Variants in IZUMO3 observed in about 807,000 individuals in gnomAD.
IZUMO3 encodes IZUMO family member 3, also known as izumo sperm-egg fusion protein 3.
Under a neutral mutation model 28.4 loss-of-function variants are expected in IZUMO3, and 36 were observed. The observed-to-expected ratio is 1.27, with a 90% CI of 0.97 to 1.67. The LOEUF is 1.67. IZUMO3 is among the 40% of genes most tolerant of loss of function. The pLI is 0.00. For synonymous variants in IZUMO3, 126 were observed against 99.2 expected (o/e 1.27, Z -1.61); for missense variants, 387 against 278.5 (o/e 1.39, Z -2.77).
chr9:24,543,632 A>T (rs182065033), intron 6 of IZUMO3, 32 bp downstream of exon 6: 31 of 1,417,610 alleles, frequency 2.2e-5, no homozygotes, highest in Non-Finnish European at 3.0e-5. Flanking sequence ...GGAATATTTG[A>T]CCCAGTGTTT....
At position 24,545,438 on chromosome 9, in the gene IZUMO3, C is replaced by T; in HGVS notation, c.212G>A (p.Arg71Lys). ...GCTTCCCTCACCCAACACCCGAAGC[C>T]TCTTGTCACTGTGGGAGACCTTGAA... ...LSFKVSHSDK[R>K]LRVLAVQQVV... The change falls in exon 1 of 7, where the codon AGG (arginine) becomes AAG (lysine). Residue 71 changes from arginine to lysine, a missense_variant. Physicochemically the swap from Arg to Lys is conservative, Grantham distance 26. Transcript: ENST00000543880. The T allele has an allele frequency of 6.5e-7, 1 of 1,539,032 alleles. No individual in the cohort carries two copies. Among genetic ancestry groups the T allele is most frequent in the Non-Finnish European group, 8.7e-7 (1 of 1,146,786 alleles).
chr9:24,543,407 G>C (rs1356792663), intron 6 of IZUMO3, 40 bp from the exon 7 acceptor site: 8 of 697,020 alleles, frequency 1.1e-5, no homozygotes, highest in African/African-American at 9.2e-5. Context: ...TTCAATATCA[G>C]TAGCCCCATT....
intron 6 of IZUMO3, 147 bp downstream of exon 6, chr9:24,543,517 C>T (rs1563907689): frequency 1.0e-5 from 6 of 576,488 alleles, no homozygotes; most frequent in Non-Finnish European, 1.4e-5. Flanking sequence ...ATTATCCCGT[C>T]AAACTTTGCA....
rs1409316051 is a variant in IZUMO3, at chr9:24,545,003, C to G, written c.360G>C (p.Leu120=). 7 of 1,550,352 alleles carry G rather than the reference C, an allele frequency of 4.5e-6. No individual in the cohort carries two copies. The South Asian group carries it at 5.9e-5, about 13-fold the overall frequency. ...CAGAGAAGTTCTTTAGTAATTCTTT[C>G]AGTTTGGATTCCAGGTTTTGGCAGA... ...LDVCQNLESK[L]KELLKNFSEI... Residue 120 remains leucine, a synonymous_variant, in exon 3 of 7, where the codon CTG becomes CTC. Transcript: ENST00000543880.
Sources: allele counts gnomAD v4.1 joint callset, GRCh38; gene constraint gnomAD v4.1.1; transcripts MANE v1.5; gene names NCBI Gene and HGNC (gene_info 2026-07-23, HGNC 2026-07-21).